The following USH2A variants were observed in gnomAD, a reference collection of about 807,000 sequenced individuals.
The protein encoded by USH2A is usherin.
USH2A carries 443 observed loss-of-function variants against 538.9 expected under a neutral mutation model. That is an observed-to-expected ratio of 0.82 (90% CI 0.76 to 0.89). The LOEUF is 0.89. Among genes scored for constraint, USH2A ranks in the 40% least tolerant of loss-of-function variants. The pLI is 0.00. For missense variants in USH2A, 6,633 were observed against 6,324.8 expected (o/e 1.05, Z -1.65); for synonymous variants, 2,413 against 2,273.5 (o/e 1.06, Z -1.75).
intron 67 of USH2A, among the ~76,000 whole-genome samples, chr1:215,646,486 T>C (rs1325207478): frequency 6.6e-6 from 1 of 152,124 alleles, no homozygotes; most frequent in East Asian, 1.9e-4. Flanking sequence ...ATGATGGTGG[T>C]TCCATAAGAT....
rs770949401 is a variant in USH2A, at chr1:216,190,376, C to CA, written c.4252-10dup. On this transcript the variant is annotated splice_polypyrimidine_tract_variant and intron_variant, in intron 19 of 71. Transcript: ENST00000307340. ...TTAGCAGTGTGCAACAGCTTCAAGGCAAAAAAGAAAGAAAGAAAGAAAGAA... is the reference window on the plus strand; with the variant it reads ...TTAGCAGTGTGCAACAGCTTCAAGGCAAAAAAAGAAAGAAAGAAAGAAAGAA... 2.8e-4 allele frequency: 453 copies of CA among 1,603,892 alleles called. 2 individuals carry two copies. Among genetic ancestry groups the CA allele is most frequent in the Middle Eastern group, 5.1e-4 (3 of 5,846 alleles).
intron 43 of USH2A, among the ~76,000 whole-genome samples, chr1:215,870,707 A>G (rs987141090): frequency 6.6e-6 from 1 of 152,096 alleles, no homozygotes; most frequent in Non-Finnish European, 1.5e-5. Context: ...GTCTACATAT[A>G]TATGTTGATT....
At chr1:216,419,746 G>T (rs1172318789) in intron 2 of USH2A, among the ~76,000 whole-genome samples, 1 of 152,060 alleles carries the variant, frequency 6.6e-6, no homozygotes, top group Non-Finnish European at 1.5e-5. Flanking sequence ...GTATCAGAGA[G>T]GCAAATGTAT....
chr1:216,337,248 T>C (rs923667019), intron 4 of USH2A, among the ~76,000 whole-genome samples: 7 of 151,414 alleles, frequency 4.6e-5, no homozygotes, highest in Non-Finnish European at 8.9e-5. Flanking sequence ...TGTATATTAT[T>C]TTATTTAATC....
chr1:216,058,723 G>A (rs939632914), intron 30 of USH2A, among the ~76,000 whole-genome samples: 38 of 152,136 alleles, frequency 2.5e-4, no homozygotes, highest in Non-Finnish European at 5.4e-4. Flanking sequence ...ATAAAAGACT[G>A]AGGAGACTTT....
chr1:215,662,046 A>G (rs1476711831), intron 64 of USH2A, among the ~76,000 whole-genome samples: 1 of 152,236 alleles, frequency 6.6e-6, no homozygotes, highest in Non-Finnish European at 1.5e-5. Context: ...CTCCTGCCTC[A>G]ATCCTAGTAA....
chr1:216,022,725 A>C (rs1251805219), intron 32 of USH2A, among the ~76,000 whole-genome samples: 2 of 152,150 alleles, frequency 1.3e-5, no homozygotes, highest in Non-Finnish European at 2.9e-5. Context: ...ATAACAGCAG[A>C]GGGGCATATT....
At chr1:216,230,241 A>G (rs1001385346) in intron 14 of USH2A, among the ~76,000 whole-genome samples, 10 of 152,182 alleles carry the variant, frequency 6.6e-5, no homozygotes, top group African/African-American at 2.4e-4. Flanking sequence ...AATCTGTAGA[A>G]TATTATTTCA....
chr1:215,956,810 T>C (rs1480018335), intron 37 of USH2A, among the ~76,000 whole-genome samples: 1 of 152,168 alleles, frequency 6.6e-6, no homozygotes, highest in East Asian at 1.9e-4. Flanking sequence ...CTTAAACAAG[T>C]TTGATAAATT....
chr1:215,792,368 C>A (rs1032230145), intron 50 of USH2A, among the ~76,000 whole-genome samples: 1 of 152,144 alleles, frequency 6.6e-6, no homozygotes, highest in Non-Finnish European at 1.5e-5. Flanking sequence ...AGAAGTGACT[C>A]CCTTTTTAGA....
intron 32 of USH2A, among the ~76,000 whole-genome samples, chr1:216,021,417 T>C (rs1270036501): frequency 6.6e-6 from 1 of 152,200 alleles, no homozygotes; most frequent in African/African-American, 2.4e-5. Flanking sequence ...TGCTGCCATG[T>C]AAGACATCTC....
chr1:215,972,025 TGCCGAGTA>T (rs1385048852), intron 35 of USH2A, among the ~76,000 whole-genome samples: 6 of 152,168 alleles, frequency 3.9e-5, no homozygotes, highest in African/African-American at 7.2e-5. Flanking sequence ...TGTGTGTGAA[TGCCGAGTA>T]GCTAAGAAGG....
intron 35 of USH2A, among the ~76,000 whole-genome samples, chr1:215,991,596 T>C (rs918118704): frequency 1.3e-5 from 2 of 152,224 alleles, no homozygotes; most frequent in Non-Finnish European, 2.9e-5. Flanking sequence ...GAAGTGTCAA[T>C]ACAAATCTCC....
chr1:216,083,470 G>A lies in USH2A; in HGVS notation c.5284C>T (p.Pro1762Ser), dbSNP rs375496315. ...AATTCACATACAGCAAGAAAATCAG[G>A]TCCATCTTTGTTATAAACGAAAAGA... is the stretch of plus-strand genomic sequence containing the variant. ...LLLFVYNKDG[P>S]DFLAMELKSG... The change falls in exon 26 of 72, where the codon CCT becomes TCT. Residue 1762 changes from proline (P) to serine (S), a missense_variant. Transcript: ENST00000307340. 28 of 1,611,326 alleles carry A rather than the reference G, an allele frequency of 1.7e-5. No homozygotes were observed. The highest frequency in any genetic ancestry group is 2.2e-5 in the Non-Finnish European group (26 of 1,178,898).
At chr1:216,022,380 G>T (rs902597527) in intron 32 of USH2A, among the ~76,000 whole-genome samples, 1 of 152,080 alleles carries the variant, frequency 6.6e-6, no homozygotes, top group African/African-American at 2.4e-5. Context: ...TGAACATTGT[G>T]AACAACGTGG....
At chr1:216,348,901 G>GTA (rs1349127518) in intron 4 of USH2A, among the ~76,000 whole-genome samples, 2 of 151,994 alleles carry the variant, frequency 1.3e-5, no homozygotes, top group African/African-American at 4.8e-5. Flanking sequence ...TCAAAATCTG[G>GTA]ATCAATATTC....
chr1:215,864,957 T>C (rs1314690144), intron 44 of USH2A, among the ~76,000 whole-genome samples: 2 of 152,172 alleles, frequency 1.3e-5, no homozygotes, highest in African/African-American at 2.4e-5. Flanking sequence ...TATATATATA[T>C]ACATTGGAAG....
At chr1:216,316,483 G>A (rs982629168) in intron 9 of USH2A, among the ~76,000 whole-genome samples, 22 of 152,188 alleles carry the variant, frequency 1.4e-4, no homozygotes, top group South Asian at 6.2e-4. Flanking sequence ...AAGTGATGTC[G>A]CCCATGTATA....
chr1:215,663,778 T>C (rs1442915717), intron 64 of USH2A, among the ~76,000 whole-genome samples: 3 of 152,206 alleles, frequency 2.0e-5, no homozygotes, highest in South Asian at 2.1e-4. Flanking sequence ...AAGTGGTTTC[T>C]ATGTATGAGG....
Sources: allele counts gnomAD v4.1 joint callset (sites outside exome capture counted in the v4.1 genomes callset), GRCh38; gene constraint gnomAD v4.1.1; transcripts MANE v1.5; gene names NCBI Gene and HGNC (gene_info 2026-07-23, HGNC 2026-07-21).